The following AUTS2 variants were observed in gnomAD, a reference collection of about 807,000 sequenced individuals.
AUTS2 encodes autism susceptibility gene 2 protein.
AUTS2 carries 17 observed loss-of-function variants against 112.4 expected under a neutral mutation model. That is an observed-to-expected ratio of 0.15 (90% CI 0.10 to 0.23). The LOEUF (loss-of-function observed/expected upper bound fraction) is 0.23, where lower values mean the gene tolerates loss of function less well. Among genes scored for constraint, AUTS2 ranks in the 10% least tolerant of loss-of-function variants. The probability of loss-of-function intolerance (pLI) is 1.00; values close to 1 mark genes in which losing one functional copy is unlikely to be tolerated. For synonymous variants in AUTS2, 751 were observed against 702.7 expected (o/e 1.07, Z -1.09); for missense variants, 1,510 against 1,701.6 (o/e 0.89, Z 1.98).
intron 6 of AUTS2, among the ~76,000 whole-genome samples, chr7:70,752,078 C>A (rs1057447633): frequency 1.3e-5 from 2 of 151,914 alleles, no homozygotes; most frequent in East Asian, 1.9e-4. Flanking sequence ...GTGCGTAGTA[C>A]ACAGTGTCAT....
intron 4 of AUTS2, among the ~76,000 whole-genome samples, chr7:70,337,666 C>T (rs1030894025): frequency 2.0e-5 from 3 of 152,176 alleles, no homozygotes; most frequent in African/African-American, 7.2e-5. Flanking sequence ...CCTTTCATGG[C>T]AGGGAAGTCC....
intron 1 of AUTS2, among the ~76,000 whole-genome samples, chr7:69,609,911 A>G (rs1792938222): frequency 6.6e-6 from 1 of 152,272 alleles, no homozygotes; most frequent in African/African-American, 2.4e-5. Flanking sequence ...TAATTAAAAC[A>G]GAAGCAGATT....
intron 10 of AUTS2, 76 bp from the exon 11 acceptor site, chr7:70,771,473 C>A (rs1397300034): frequency 7.8e-7 from 1 of 1,279,336 alleles, no homozygotes; most frequent in Non-Finnish European, 1.1e-6. Flanking sequence ...CGATGTCTTT[C>A]TATGGGACGG....
At chr7:69,782,886 A>G (rs893921718) in intron 1 of AUTS2, among the ~76,000 whole-genome samples, 3 of 152,052 alleles carry the variant, frequency 2.0e-5, no homozygotes, top group Non-Finnish European at 4.4e-5. Context: ...GTCTCTAAGT[A>G]TGTTTAACTC....
chr7:70,587,179 G>C (rs1802726146), intron 5 of AUTS2, among the ~76,000 whole-genome samples: 1 of 152,072 alleles, frequency 6.6e-6, no homozygotes. Flanking sequence ...CTGGACTTGA[G>C]CAACCCTCCC....
intron 5 of AUTS2, among the ~76,000 whole-genome samples, chr7:70,623,037 A>C (rs1804758255): frequency 6.6e-6 from 1 of 152,202 alleles, no homozygotes; most frequent in South Asian, 2.1e-4. Flanking sequence ...AGCAATTAGC[A>C]AGAGAGTGGC....
intron 5 of AUTS2, among the ~76,000 whole-genome samples, chr7:70,589,304 G>A (rs939148752): frequency 2.0e-5 from 3 of 152,216 alleles, no homozygotes; most frequent in Admixed American, 6.5e-5. Context: ...CCCAGGGGGC[G>A]AAGTGGAGCT....
chr7:70,542,368 T>G (rs1467166147), intron 5 of AUTS2, among the ~76,000 whole-genome samples: 1 of 152,192 alleles, frequency 6.6e-6, no homozygotes, highest in Non-Finnish European at 1.5e-5. Flanking sequence ...GAACTCCTAG[T>G]CTAGACATCT....
chr7:69,756,044 C>A (rs930255742), intron 1 of AUTS2, among the ~76,000 whole-genome samples: 1 of 152,196 alleles, frequency 6.6e-6, no homozygotes, highest in African/African-American at 2.4e-5. Flanking sequence ...GGTCACAGGG[C>A]AAAGACAAGT....
chr7:70,506,768 G>A (rs1339905262), intron 5 of AUTS2, among the ~76,000 whole-genome samples: 3 of 152,200 alleles, frequency 2.0e-5, no homozygotes, highest in Non-Finnish European at 2.9e-5. Flanking sequence ...TAACAGGCAG[G>A]CTCTGTTGTT....
chr7:70,117,000 A>G (rs778844263), intron 2 of AUTS2, among the ~76,000 whole-genome samples: 1 of 152,016 alleles, frequency 6.6e-6, no homozygotes, highest in Non-Finnish European at 1.5e-5. Flanking sequence ...TCTTATGTAG[A>G]CTGATGGTTT....
intron 1 of AUTS2, among the ~76,000 whole-genome samples, chr7:69,801,520 T>A (rs1412391294): frequency 6.7e-6 from 1 of 150,324 alleles, no homozygotes; most frequent in Non-Finnish European, 1.5e-5. Context: ...AAATATAAGA[T>A]ATATAGGTAT....
intron 2 of AUTS2, among the ~76,000 whole-genome samples, chr7:70,004,422 T>A (rs1218384636): frequency 6.1e-5 from 1 of 16,454 alleles, no homozygotes; most frequent in Non-Finnish European, 8.3e-5. Flanking sequence ...TATAATATAT[T>A]ATATATATAT....
chr7:70,044,930 ATG>A (rs1195741282), intron 2 of AUTS2, among the ~76,000 whole-genome samples: 4 of 131,202 alleles, frequency 3.0e-5, no homozygotes, highest in African/African-American at 1.2e-4. Flanking sequence ...AACCCATAGC[ATG>A]TTTTTTTTTT....
chr7:70,643,629 G>T (rs1805981329), intron 5 of AUTS2, among the ~76,000 whole-genome samples: 1 of 152,174 alleles, frequency 6.6e-6, no homozygotes, highest in Non-Finnish European at 1.5e-5. Context: ...CAACCTCTGT[G>T]TCCTCTGCTG....
intron 6 of AUTS2, among the ~76,000 whole-genome samples, chr7:70,760,130 C>T (rs550161923): frequency 1.3e-5 from 2 of 152,028 alleles, no homozygotes; most frequent in Non-Finnish European, 1.5e-5. Flanking sequence ...CTCAGCCTCC[C>T]GAGTAGCTGG....
chr7:69,928,475 G>A (rs1796108729), intron 2 of AUTS2, among the ~76,000 whole-genome samples: 1 of 152,220 alleles, frequency 6.6e-6, no homozygotes, highest in Admixed American at 6.5e-5. Flanking sequence ...GGCACCTGCA[G>A]GCCTATACTG....
chr7:70,228,379 C>A (rs1353419474), intron 4 of AUTS2, among the ~76,000 whole-genome samples: 1 of 151,418 alleles, frequency 6.6e-6, no homozygotes, highest in African/African-American at 2.4e-5. Flanking sequence ...AAAATCCAGT[C>A]TAACAATCTC....
At chr7:69,968,098 G>T (rs1008349256) in intron 2 of AUTS2, among the ~76,000 whole-genome samples, 5 of 152,184 alleles carry the variant, frequency 3.3e-5, no homozygotes, top group African/African-American at 1.2e-4. Flanking sequence ...AGGATATTCT[G>T]CTTTAGATTG....
Sources: allele counts gnomAD v4.1 joint callset (sites outside exome capture counted in the v4.1 genomes callset), GRCh38; gene constraint gnomAD v4.1.1; transcripts MANE v1.5; gene names NCBI Gene and HGNC (gene_info 2026-07-23, HGNC 2026-07-21).